The following WDR89 variants were observed in gnomAD, a reference collection of about 807,000 sequenced individuals.
WDR89 encodes WD repeat-containing protein 89.
In WDR89, 17 loss-of-function variants were observed where a neutral mutation model predicts 29.1. The ratio of observed to expected loss-of-function variants is 0.58; its 90% CI spans 0.40 to 0.88. The LOEUF is 0.88. Among genes scored for constraint, WDR89 ranks in the 40% least tolerant of loss-of-function variants. The pLI is 0.00. For synonymous variants in WDR89, 138 were observed against 157.8 expected (o/e 0.87, Z 0.94); for missense variants, 396 against 456.3 (o/e 0.87, Z 1.20).
chr14:63,614,445 G>A (rs1205256300), intron 2 of WDR89, among the ~76,000 whole-genome samples: 3 of 151,648 alleles, frequency 2.0e-5, no homozygotes, highest in African/African-American at 7.3e-5. Flanking sequence ...CCAAGCAGAT[G>A]GGACCACAGG....
intron 2 of WDR89, among the ~76,000 whole-genome samples, chr14:63,612,434 G>A (rs1882049785): frequency 6.6e-6 from 1 of 151,110 alleles, no homozygotes; most frequent in Non-Finnish European, 1.5e-5. Context: ...AGAGTGTAGT[G>A]GTGGGATCTC....
At chr14:63,600,259 TGAGGTAG>T (rs1395794800) in intron 2 of WDR89, among the ~76,000 whole-genome samples, 1 of 152,150 alleles carries the variant, frequency 6.6e-6, no homozygotes, top group African/African-American at 2.4e-5. Flanking sequence ...TTTGGGAGGC[TGAGGTAG>T]GAGGACTGCT....
At chr14:63,613,779 T>C (rs1028360897) in intron 2 of WDR89, among the ~76,000 whole-genome samples, 4 of 151,394 alleles carry the variant, frequency 2.6e-5, no homozygotes, top group Non-Finnish European at 5.9e-5. Flanking sequence ...GGATTAGAGG[T>C]GTGAGCCACT....
intron 2 of WDR89, among the ~76,000 whole-genome samples, chr14:63,620,972 G>C (rs1450954999): frequency 6.6e-6 from 1 of 151,384 alleles, no homozygotes; most frequent in Non-Finnish European, 1.5e-5. Context: ...CCAAAAAAAT[G>C]TATGTAAGGC....
intron 2 of WDR89, among the ~76,000 whole-genome samples, chr14:63,614,893 C>A (rs577471587): frequency 8.7e-4 from 133 of 152,240 alleles, no homozygotes; most frequent in Non-Finnish European, 1.6e-3. Flanking sequence ...TAAATTAATC[C>A]TGCTTAGCTA....
chr14:63,620,641 T>A (rs534900508), intron 2 of WDR89, among the ~76,000 whole-genome samples: 1 of 151,960 alleles, frequency 6.6e-6, no homozygotes, highest in African/African-American at 2.4e-5. Context: ...TCTCAACACT[T>A]TGGGAGGCCA....
chr14:63,640,869 G>A (rs1438335008), intron 1 of WDR89, among the ~76,000 whole-genome samples: 1 of 150,084 alleles, frequency 6.7e-6, no homozygotes, highest in Admixed American at 6.6e-5. Context: ...AGGCAGAGGC[G>A]AGTGGATCAC....
chr14:63,616,071 C>T (rs753416060), intron 2 of WDR89, among the ~76,000 whole-genome samples: 10 of 152,024 alleles, frequency 6.6e-5, no homozygotes, highest in Non-Finnish European at 1.3e-4. Context: ...GGCTAAACTC[C>T]GTCTCTACAA....
intron 1 of WDR89, among the ~76,000 whole-genome samples, chr14:63,628,630 G>C (rs1883214677): frequency 6.6e-6 from 1 of 152,124 alleles, no homozygotes; most frequent in Non-Finnish European, 1.5e-5. Flanking sequence ...TGTGATCCTA[G>C]CAATTTGATG....
At chr14:63,635,414 G>C (rs918235124) in intron 1 of WDR89, among the ~76,000 whole-genome samples, 1 of 152,138 alleles carries the variant, frequency 6.6e-6, no homozygotes, top group Non-Finnish European at 1.5e-5. Context: ...AAAAGCATTT[G>C]ACAAAATCCA....
At chr14:63,626,622 T>C (rs1883070707) in intron 1 of WDR89, among the ~76,000 whole-genome samples, 1 of 124,158 alleles carries the variant, frequency 8.1e-6, no homozygotes. Context: ...GAGGTTGCAG[T>C]GAGCCAAGAT....
chr14:63,607,663 CCT>C, intron 2 of WDR89, among the ~76,000 whole-genome samples: 1 of 151,080 alleles, frequency 6.6e-6, no homozygotes. Flanking sequence ...AGGCAGATCA[CCT>C]GAGGTCAGGA....
chr14:63,601,598 T>C lies in WDR89; in HGVS notation c.-31-1625A>G, dbSNP rs1044227878. On this transcript the variant is annotated intron_variant, in intron 2 of 2. Coordinates refer to ENST00000620954, the MANE Select transcript of WDR89 (RefSeq NM_080666.4). ...TTGAAACTGTAACCAAAGGAGGCAT[T>C]ATGCTTCCAGAAAAATCTCAAGGAA... is the stretch of plus-strand genomic sequence containing the variant. 18 of 1,612,686 alleles carry C rather than the reference T, an allele frequency of 1.1e-5. No individual in the cohort carries two copies. The African/African-American group carries it at 2.3e-4, about 20-fold the overall frequency.
intron 2 of WDR89, among the ~76,000 whole-genome samples, chr14:63,611,218 T>A (rs1440517714): frequency 6.6e-6 from 1 of 150,696 alleles, no homozygotes; most frequent in Non-Finnish European, 1.5e-5. Flanking sequence ...ACACTTGTAG[T>A]CCCAGCTACT....
At position 63,599,505 on chromosome 14, in the gene WDR89, C is replaced by T. The variant is rs1190406827; in HGVS notation, c.438G>A (p.Trp146Ter). 1.2e-6 allele frequency: 2 copies of T among 1,614,044 alleles called. No individual in the cohort carries two copies. Among genetic ancestry groups the T allele is most frequent in the Non-Finnish European group, 1.7e-6 (2 of 1,180,020 alleles). The change falls in exon 3 of 3, where the codon TGG becomes TGA. Residue 146 changes from tryptophan (W) to a stop codon, truncating the protein, a stop_gained. Transcript: ENST00000620954. LOFTEE classifies it high-confidence loss of function. Reference protein sequence around the residue: ...KVDDDALLVFWDARMNSQNLS... With the variant: ...KVDDDALLVF The stretch of plus-strand genomic sequence containing the variant: ...AATTCTGAGAATTCATCCTTGCATC[C>T]CAAAACACCAACAATGCATCATCAT...
At chr14:63,641,111 A>AAG (rs1884097918) in intron 1 of WDR89, among the ~76,000 whole-genome samples, 1 of 148,612 alleles carries the variant, frequency 6.7e-6, no homozygotes, top group Non-Finnish European at 1.5e-5. Flanking sequence ...AAAAAAAAAA[A>AAG]AAAAGAAAAA....
chr14:63,625,258 A>T (rs1248340855), intron 1 of WDR89, among the ~76,000 whole-genome samples: 1 of 152,214 alleles, frequency 6.6e-6, no homozygotes, highest in East Asian at 1.9e-4. Context: ...AAAAAGCAAA[A>T]TTATAGGAAC....
intron 2 of WDR89, among the ~76,000 whole-genome samples, chr14:63,620,179 T>C (rs1882603734): frequency 6.6e-6 from 1 of 152,090 alleles, no homozygotes; most frequent in Non-Finnish European, 1.5e-5. Context: ...TAGCCGAGCG[T>C]GGTGGTGTGC....
intron 2 of WDR89, among the ~76,000 whole-genome samples, chr14:63,614,300 T>C (rs1182793504): frequency 2.6e-5 from 4 of 151,406 alleles, no homozygotes; most frequent in East Asian, 3.9e-4. Context: ...TATCCTTTCT[T>C]TTCTTTTTTT....
Sources: allele counts gnomAD v4.1 joint callset (sites outside exome capture counted in the v4.1 genomes callset), GRCh38; gene constraint gnomAD v4.1.1; transcripts MANE v1.5; gene names NCBI Gene and HGNC (gene_info 2026-07-23, HGNC 2026-07-21).